Variants in RAP1GDS1 observed in about 807,000 individuals in gnomAD.
The protein encoded by RAP1GDS1 is Rap1 GTPase-GDP dissociation stimulator 1, also known as RAP1, GTP-GDP dissociation stimulator 1.
A neutral mutation model predicts 71.1 loss-of-function variants in RAP1GDS1; 35 were observed. The ratio of observed to expected loss-of-function variants is 0.49; its 90% CI spans 0.38 to 0.65. The LOEUF is 0.65. Ranked by LOEUF, RAP1GDS1 falls within the 30% of genes least tolerant of loss-of-function variation. The pLI is 0.00. For synonymous variants in RAP1GDS1, 229 were observed against 243.1 expected, an observed-to-expected ratio of 0.94 and a Z score of 0.54; for missense variants, 663 against 706.1, an observed-to-expected ratio of 0.94 and a Z score of 0.69.
intron 2 of RAP1GDS1, among the ~76,000 whole-genome samples, chr4:98,304,973 G>A (rs968974705): frequency 6.6e-6 from 1 of 151,652 alleles, no homozygotes; most frequent in African/African-American, 2.4e-5. Context: ...AGAGCAGATG[G>A]TTCTAGATGT....
intron 5 of RAP1GDS1, among the ~76,000 whole-genome samples, chr4:98,391,471 A>G (rs1161195188): frequency 6.6e-6 from 1 of 152,114 alleles, no homozygotes; most frequent in East Asian, 1.9e-4. Context: ...TATTTATTAA[A>G]TATTTTTAAT....
At chr4:98,334,552 G>T (rs922189563) in intron 2 of RAP1GDS1, among the ~76,000 whole-genome samples, 2 of 152,080 alleles carry the variant, frequency 1.3e-5, no homozygotes, top group Non-Finnish European at 2.9e-5. Flanking sequence ...TTTCACCCCC[G>T]CATGGCAGAA....
At chr4:98,270,619 G>C (rs1723316827) in intron 1 of RAP1GDS1, among the ~76,000 whole-genome samples, 1 of 152,198 alleles carries the variant, frequency 6.6e-6, no homozygotes, top group South Asian at 2.1e-4. Flanking sequence ...GACTAGGTTA[G>C]TGATAAATGG....
chr4:98,345,773 T>C (rs1278054122), intron 3 of RAP1GDS1, among the ~76,000 whole-genome samples: 1 of 152,214 alleles, frequency 6.6e-6, no homozygotes, highest in Non-Finnish European at 1.5e-5. Flanking sequence ...ACTTAAGTGA[T>C]GATAGTTGGA....
At chr4:98,348,498 G>A (rs1299893543) in intron 3 of RAP1GDS1, among the ~76,000 whole-genome samples, 1 of 152,094 alleles carries the variant, frequency 6.6e-6, no homozygotes, top group Non-Finnish European at 1.5e-5. Flanking sequence ...GGGATTGCTG[G>A]GTCAAATGGT....
intron 5 of RAP1GDS1, among the ~76,000 whole-genome samples, chr4:98,389,985 A>G (rs1030310871): frequency 6.6e-6 from 1 of 152,176 alleles, no homozygotes; most frequent in African/African-American, 2.4e-5. Flanking sequence ...CTCACATTCA[A>G]TGCATGCGCT....
intron 11 of RAP1GDS1, 97 bp downstream of exon 11, chr4:98,420,241 T>A: frequency 8.5e-7 from 1 of 1,180,168 alleles, no homozygotes; most frequent in Non-Finnish European, 1.1e-6. Flanking sequence ...TAGGATTATG[T>A]AATCATAAAA....
chr4:98,269,369 C>T (rs542225779), intron 1 of RAP1GDS1, among the ~76,000 whole-genome samples: 2 of 152,032 alleles, frequency 1.3e-5, no homozygotes, highest in African/African-American at 2.4e-5. Context: ...GCATAAGATG[C>T]GCGCAAGAAA....
Position 98,338,550 on chromosome 4 carries a change from T to C in RAP1GDS1, c.113-4589T>C, listed in dbSNP as rs1212004059. 3.4e-4 allele frequency among the ~76,000 whole-genome samples: 52 copies of C among 152,174 alleles called. 1 individual carries two copies. The highest frequency in any genetic ancestry group is 1.5e-5 in the Non-Finnish European group (1 of 68,024). The stretch of plus-strand genomic sequence containing the variant: ...ATCCATGGCCCCCCTTTGATTCATA[T>C]TTGTGGTCCTTAATCCCAAGTCTGA... On this transcript the variant is annotated intron_variant, in intron 2 of 14. Coordinates refer to ENST00000408927, the MANE Select transcript of RAP1GDS1 (RefSeq NM_001100427.2).
chr4:98,340,575 C>T (rs963803425), intron 2 of RAP1GDS1, among the ~76,000 whole-genome samples: 11 of 151,916 alleles, frequency 7.2e-5, no homozygotes, highest in Non-Finnish European at 1.6e-4. Flanking sequence ...TAGCAAAACC[C>T]CATCTCTACT....
intron 5 of RAP1GDS1, among the ~76,000 whole-genome samples, chr4:98,389,644 C>T (rs1368876313): frequency 6.6e-6 from 1 of 152,136 alleles, no homozygotes; most frequent in Non-Finnish European, 1.5e-5. Context: ...CTAACTTTTT[C>T]TCCCAATCTG....
intron 4 of RAP1GDS1, among the ~76,000 whole-genome samples, chr4:98,357,677 CTG>C (rs1286602367): frequency 6.6e-6 from 1 of 151,750 alleles, no homozygotes; most frequent in African/African-American, 2.4e-5. Flanking sequence ...AGAATATTAA[CTG>C]TAGCTGTTTT....
intron 6 of RAP1GDS1, among the ~76,000 whole-genome samples, chr4:98,403,642 A>G (rs2110153019): frequency 6.6e-6 from 1 of 152,336 alleles, no homozygotes; most frequent in Non-Finnish European, 1.5e-5. Context: ...ATATCAACAC[A>G]GAGATGCTGT....
intron 1 of RAP1GDS1, among the ~76,000 whole-genome samples, chr4:98,262,216 C>G (rs1722113148): frequency 6.6e-6 from 1 of 152,228 alleles, no homozygotes; most frequent in South Asian, 2.1e-4. Context: ...TGCTGGGTGA[C>G]TACAGTGTGC....
intron 6 of RAP1GDS1, among the ~76,000 whole-genome samples, chr4:98,404,173 G>A (rs1243615286): frequency 5.3e-5 from 8 of 150,388 alleles, no homozygotes; most frequent in Admixed American, 2.6e-4. Flanking sequence ...TATAAAATAT[G>A]TTATGAGAAA....
rs183905038 is a variant in RAP1GDS1, at chr4:98,290,709, A to G, written c.5-2699A>G. ...CAGAGACTTTTGAGAAATGCGAGGA[A>G]TGATAGTTAGCTGTTCACGGTTACC... On this transcript the variant is annotated intron_variant, in intron 1 of 14. Transcript: ENST00000408927. Among the ~76,000 whole-genome samples the G allele has an allele frequency of 3.3e-5, 5 of 152,246 alleles. No homozygotes were observed. The East Asian group carries it at 9.7e-4, about 29-fold the overall frequency.
intron 1 of RAP1GDS1, among the ~76,000 whole-genome samples, chr4:98,289,650 C>T (rs1053254841): frequency 9.2e-5 from 14 of 151,650 alleles, no homozygotes; most frequent in Non-Finnish European, 1.8e-4. Context: ...CAGTCCTTTC[C>T]ACTTGACATG....
intron 3 of RAP1GDS1, 145 bp from the exon 4 acceptor site, chr4:98,352,331 A>T (rs998969623): frequency 7.5e-6 from 6 of 803,898 alleles, no homozygotes; most frequent in Non-Finnish European, 1.1e-5. Context: ...TTGTACAGAA[A>T]TGTACTCTTC....
At chr4:98,337,894 T>C (rs1734921679) in intron 2 of RAP1GDS1, among the ~76,000 whole-genome samples, 1 of 152,174 alleles carries the variant, frequency 6.6e-6, no homozygotes, top group Admixed American at 6.5e-5. Flanking sequence ...AATATGGATG[T>C]GCTTGAATGT....
Sources: allele counts gnomAD v4.1 joint callset (sites outside exome capture counted in the v4.1 genomes callset), GRCh38; gene constraint gnomAD v4.1.1; transcripts MANE v1.5; gene names NCBI Gene and HGNC (gene_info 2026-07-23, HGNC 2026-07-21).